ZNF530: variants seen among roughly 807,000 people sequenced by gnomAD.
ZNF530 encodes the protein zinc finger protein 530.
Under a neutral mutation model 2.8 loss-of-function variants are expected in ZNF530, and 5 were observed. That is an observed-to-expected ratio of 1.80 (90% confidence interval 0.94 to 3.78). The LOEUF is 3.78. ZNF530 is among the 30% of genes most tolerant of loss of function. The pLI is 0.00. For missense variants in ZNF530, 619 were observed against 673.3 expected, an observed-to-expected ratio of 0.92 and a Z score of 0.89; for synonymous variants, 229 against 235.0, an observed-to-expected ratio of 0.97 and a Z score of 0.23.
At chr19:57,611,425 A>G (rs1293032696), downstream of ZNF530, among the ~76,000 whole-genome samples, 3 of 152,150 alleles carry the variant, frequency 2.0e-5, no homozygotes, top group Admixed American at 1.3e-4. Flanking sequence ...TTCCTTCGGT[A>G]GGCTGTTGCT....
intron 3 of ZNF530, 70 bp downstream of exon 3, chr19:57,604,476 T>G: frequency 2.6e-6 from 4 of 1,550,036 alleles, no homozygotes; most frequent in Non-Finnish European, 3.5e-6. Flanking sequence ...GAGGCAGCTC[T>G]GTCCTTTCTT....
chr19:57,601,195 T>G (rs1980218805), intron 2 of ZNF530, among the ~76,000 whole-genome samples: 1 of 152,168 alleles, frequency 6.6e-6, no homozygotes, highest in African/African-American at 2.4e-5. Flanking sequence ...CTCATGAGGC[T>G]CCTGTGGCTG....
chr19:57,611,714 G>A (rs1355595802), downstream of ZNF530, among the ~76,000 whole-genome samples: 1 of 151,594 alleles, frequency 6.6e-6, no homozygotes, highest in African/African-American at 2.4e-5. Flanking sequence ...TCATCTCAGA[G>A]GGATAGTTTT....
chr19:57,602,480 C>G (rs1426907890), intron 2 of ZNF530, among the ~76,000 whole-genome samples: 1 of 152,054 alleles, frequency 6.6e-6, no homozygotes, highest in Non-Finnish European at 1.5e-5. Flanking sequence ...TAGTGGGATT[C>G]CTGGTCATGA....
chr19:57,606,639 G>T lies in ZNF530; in HGVS notation c.1015G>T (p.Val339Phe), dbSNP rs777876814. ...CACTAACCTCTTTCGACACTGGAGA[G>T]TTCACACTGGAGTAAGGCCTTATGA... The part of the protein sequence containing the change: ...HSTNLFRHWR[V>F]HTGVRPYECS... Residue 339 changes from valine (V) to phenylalanine (F), a missense_variant, in exon 4 of 4, where the codon GTT (valine) becomes TTT (phenylalanine). Physicochemically the swap from Val to Phe is conservative, Grantham distance 50. Coordinates refer to ENST00000597700, the MANE Select transcript of ZNF530 (RefSeq NM_001321981.2). The T allele has an allele frequency of 6.2e-7, 1 of 1,614,162 alleles. No homozygotes were observed. The highest frequency in any genetic ancestry group is 2.2e-5 in the East Asian group (1 of 44,880).
rs970842191 is a variant in ZNF530 at position 57,609,808 on chromosome 19, A to G, written c.*2483A>G. Reference sequence around the variant, plus strand: ...ACTTCAAGGCCATTGCTGCACAGACAAAAAAAAAAAAGGATGAAGTCAAGA... The same window carrying G: ...ACTTCAAGGCCATTGCTGCACAGACGAAAAAAAAAAAGGATGAAGTCAAGA... On this transcript the variant is annotated 3_prime_UTR_variant, in exon 4 of 4. Transcript: ENST00000597700. 2.1e-5 allele frequency among the ~76,000 whole-genome samples: 3 copies of G among 143,134 alleles called. No homozygotes were observed. Among genetic ancestry groups the G allele is most frequent in the Admixed American group, 7.0e-5 (1 of 14,354 alleles). 93.9% of individuals were successfully genotyped at this position (143,134 alleles called of 152,430 possible).
chr19:57,607,096 G>A lies in ZNF530; in HGVS notation c.1472G>A (p.Cys491Tyr). 6.2e-7 allele frequency: 1 copy of A among 1,613,972 alleles called. No individual in the cohort carries two copies. Among genetic ancestry groups the A allele is most frequent in the South Asian group, 1.1e-5 (1 of 91,084 alleles). Residue 491 changes from cysteine (C) to tyrosine (Y), a missense_variant, in exon 4 of 4, where the codon TGT becomes TAT. By Grantham distance (194) the Cys-to-Tyr change is radical (BLOSUM62 -2). Coordinates refer to ENST00000597700, the MANE Select transcript of ZNF530 (RefSeq NM_001321981.2). Reference protein sequence around the residue: ...TNERPYECDECGKSYSQSSAL... With the variant: ...TNERPYECDEYGKSYSQSSAL... ...GAAAGGCCTTATGAGTGCGATGAAT[G>A]TGGGAAATCCTATAGCCAAAGCTCT...
chr19:57,603,642 T>G lies in ZNF530; in HGVS notation c.-69-635T>G, dbSNP rs115056432. Among the ~76,000 whole-genome samples the G allele has an allele frequency of 8.9e-3, 1,361 of 152,336 alleles. 20 individuals are homozygous for G. The highest frequency in any genetic ancestry group is 0.031 in the African/African-American group (1,308 of 41,560). On this transcript the variant is annotated intron_variant, in intron 2 of 3. Coordinates refer to ENST00000597700, the MANE Select transcript of ZNF530 (RefSeq NM_001321981.2). ...GCAGTACAAGTTGGAAAGGGCCATG[T>G]GTATCTGAGATATGTATGTGGTTCT... is the stretch of plus-strand genomic sequence containing the variant.
intron 2 of ZNF530, among the ~76,000 whole-genome samples, chr19:57,601,241 G>A (rs1283290257): frequency 1.3e-5 from 2 of 152,208 alleles, no homozygotes; most frequent in South Asian, 2.1e-4. Flanking sequence ...AAGGGAGTTG[G>A]TAGCAATACC....
downstream of ZNF530, among the ~76,000 whole-genome samples, chr19:57,610,669 G>A (rs55745109): frequency 0.047 from 7,085 of 152,128 alleles, 217 homozygotes; most frequent in East Asian, 0.079. Context: ...GGGAGGAACA[G>A]CTGTTCCTCA....
In ZNF530 at chr19:57,599,957, A is replaced by G. The variant is rs1162346013; in HGVS notation, c.-299A>G. Reference sequence around the variant, plus strand: ...TTCCATCCGCGGGTGCCGGATCTGGACCTAGGTGCTGACAGCGAGAAGGCG... The same window carrying G: ...TTCCATCCGCGGGTGCCGGATCTGGGCCTAGGTGCTGACAGCGAGAAGGCG... On this transcript the variant is annotated 5_prime_UTR_variant, in exon 1 of 4. Coordinates refer to ENST00000597700, the MANE Select transcript of ZNF530 (RefSeq NM_001321981.2). 2.3e-6 allele frequency: 2 copies of G among 885,472 alleles called. No homozygotes were observed. The highest frequency in any genetic ancestry group is 3.3e-6 in the Non-Finnish European group (2 of 609,736). The allele number at this position is 885,472 out of a possible 1,614,324, so 54.9% of individuals were successfully genotyped here.
Position 57,607,557 on chromosome 19 carries a change from C to CTGG in ZNF530, c.*235_*237dup, listed in dbSNP as rs1980653385. ...ACAAGGTTTCACCATGTTGGTCAGGCTGGTGTTGAACTCCTGACCTCAGGT... is the reference window on the plus strand; with the variant it reads ...ACAAGGTTTCACCATGTTGGTCAGGCTGGTGGTGTTGAACTCCTGACCTCAGGT... On this transcript the variant is annotated 3_prime_UTR_variant, in exon 4 of 4. Transcript: ENST00000597700. The CTGG allele has an allele frequency of 2.0e-6, 1 of 496,994 alleles. No homozygotes were observed. Among genetic ancestry groups the CTGG allele is most frequent in the South Asian group, 2.5e-5 (1 of 40,670 alleles). 30.8% of individuals were successfully genotyped at this position (496,994 alleles called of 1,614,324 possible). A position where few individuals can be genotyped will look rare whatever the true frequency, so the allele number is the denominator to read the frequency against.
At position 57,600,262 on chromosome 19, in the gene ZNF530, G is replaced by A. The variant is rs1003968781; in HGVS notation, c.-122+128G>A. On this transcript the variant is annotated intron_variant, in intron 1 of 3. Transcript: ENST00000597700. The stretch of plus-strand genomic sequence containing the variant: ...GGCGCTGGTGCTGGATCTCGTTTCT[G>A]GTAGTGTGGCAGGGAGCGGGAGAGC... The A allele has an allele frequency of 3.4e-5, 40 of 1,185,470 alleles. No individual in the cohort carries two copies. In the Admixed American group the frequency reaches 1.1e-3, roughly 33 times the overall value. 73.4% of individuals were successfully genotyped at this position (1,185,470 alleles called of 1,614,324 possible). A position where few individuals can be genotyped will look rare whatever the true frequency, so the allele number is the denominator to read the frequency against.
chr19:57,601,072 A>G (rs1980211384), intron 2 of ZNF530, among the ~76,000 whole-genome samples: 1 of 152,222 alleles, frequency 6.6e-6, no homozygotes, highest in South Asian at 2.1e-4. Context: ...ATGGGAACAG[A>G]GAGCAGAGGT....
rs1980126851 is a variant in ZNF530, at chr19:57,599,890, T to A, written c.-366T>A. The A allele has an allele frequency of 9.9e-6, 5 of 505,378 alleles. No individual in the cohort carries two copies. The East Asian group carries it at 1.5e-4, about 16-fold the overall frequency. 31.3% of individuals were successfully genotyped at this position (505,378 alleles called of 1,614,324 possible). A position where few individuals can be genotyped will look rare whatever the true frequency, so the allele number is the denominator to read the frequency against. On this transcript the variant is annotated 5_prime_UTR_variant, in exon 1 of 4. Coordinates refer to ENST00000597700, the MANE Select transcript of ZNF530 (RefSeq NM_001321981.2). ...TCTGTCCAACTTGTCGGAGCGGAAC[T>A]TCCGGCGTCCTCCCTGTGGCGGGCA... is the stretch of plus-strand genomic sequence containing the variant.
Position 57,604,272 on chromosome 19 carries a change from C to T in ZNF530, c.-69-5C>T. ...TGACCATGGAATGAACTGTCCCCAT[C>T]ATAGCAGGTTTTTGTAGCCTTTGAG... On this transcript the variant is annotated splice_polypyrimidine_tract_variant and splice_region_variant and intron_variant, in intron 2 of 3. Coordinates refer to ENST00000597700, the MANE Select transcript of ZNF530 (RefSeq NM_001321981.2). The T allele has an allele frequency of 6.2e-7, 1 of 1,613,984 alleles. No homozygotes were observed. The highest frequency in any genetic ancestry group is 1.1e-5 in the South Asian group (1 of 91,082).
In ZNF530 at chr19:57,603,131, C is replaced by T. The variant is rs181060417; in HGVS notation, c.-69-1146C>T. On this transcript the variant is annotated intron_variant, in intron 2 of 3. Coordinates refer to ENST00000597700, the MANE Select transcript of ZNF530 (RefSeq NM_001321981.2). ...GTCTCAAGCTCCTGATCAAGTGATC[C>T]ACCCGCCTTGGCCTCCCAAAGTGCT... Among the ~76,000 whole-genome samples the T allele has an allele frequency of 7.1e-3, 1,079 of 152,294 alleles. 10 individuals carry two copies. The highest frequency in any genetic ancestry group is 0.014 in the Middle Eastern group (4 of 294).
At position 57,606,616 on chromosome 19, in the gene ZNF530, C is replaced by T; in HGVS notation, c.992C>T (p.Thr331Ile). 2 of 1,614,184 alleles carry T rather than the reference C, an allele frequency of 1.2e-6. No individual in the cohort carries two copies. Among genetic ancestry groups the T allele is most frequent in the Non-Finnish European group, 1.7e-6 (2 of 1,180,028 alleles). ...TGTGGAAAATCCTTTAGCCATAGCA[C>T]TAACCTCTTTCGACACTGGAGAGTT... ...SECGKSFSHS[T>I]NLFRHWRVHT... The change falls in exon 4 of 4, where the codon ACT becomes ATT. Residue 331 changes from threonine to isoleucine, a missense_variant. Transcript: ENST00000597700.
chr19:57,600,143 T>C lies in ZNF530; in HGVS notation c.-122+9T>C, dbSNP rs1448538077. ...TGAGGGCCCCGACCCAGGTGAGCGC[T>C]GCGTCCTCCCGGCCTCCTCTGCCCT... On this transcript the variant is annotated intron_variant, in intron 1 of 3. Transcript: ENST00000597700. 6 of 1,569,180 alleles carry C rather than the reference T, an allele frequency of 3.8e-6. No homozygotes were observed. Among genetic ancestry groups the C allele is most frequent in the Non-Finnish European group, 5.2e-6 (6 of 1,156,336 alleles).
Sources: allele counts gnomAD v4.1 joint callset (sites outside exome capture counted in the v4.1 genomes callset), GRCh38; gene constraint gnomAD v4.1.1; transcripts MANE v1.5; gene names NCBI Gene and HGNC (gene_info 2026-07-23, HGNC 2026-07-21).